The following TMEM117 variants were observed in gnomAD, a reference collection of about 807,000 sequenced individuals.
The protein encoded by TMEM117 is transmembrane protein 117.
A neutral mutation model predicts 52.4 loss-of-function variants in TMEM117; 27 were observed. The observed-to-expected ratio is 0.51, with a 90% CI of 0.38 to 0.71. The LOEUF is 0.71. Ranked by LOEUF, TMEM117 falls within the 30% of genes least tolerant of loss-of-function variation. The pLI is 0.00. For synonymous variants in TMEM117, 215 were observed against 206.3 expected (o/e 1.04, Z -0.36); for missense variants, 556 against 630.5 (o/e 0.88, Z 1.26).
chr12:44,300,100 AAGC>A (rs1377737036), intron 6 of TMEM117, among the ~76,000 whole-genome samples: 1 of 152,202 alleles, frequency 6.6e-6, no homozygotes, highest in Non-Finnish European at 1.5e-5. Flanking sequence ...GATTATATAA[AAGC>A]AGCAAAGCAG....
chr12:44,294,097 T>C (rs1178955380), intron 5 of TMEM117, among the ~76,000 whole-genome samples: 1 of 152,196 alleles, frequency 6.6e-6, no homozygotes, highest in Non-Finnish European at 1.5e-5. Context: ...TAACTCTTCG[T>C]TTCCTGAACA....
chr12:44,392,693 G>GC (rs1482470092), downstream of TMEM117, among the ~76,000 whole-genome samples: 2 of 137,898 alleles, frequency 1.5e-5, no homozygotes, highest in Admixed American at 7.6e-5. Flanking sequence ...CCCACGACAG[G>GC]CCCCGGGGTG....
chr12:44,304,735 G>A (rs972385948), intron 6 of TMEM117, among the ~76,000 whole-genome samples: 10 of 152,190 alleles, frequency 6.6e-5, no homozygotes, highest in African/African-American at 2.4e-4. Flanking sequence ...CTGACTTGAA[G>A]GGAAGGACTC....
chr12:43,924,668 AT>A (rs1225373489), intron 2 of TMEM117, among the ~76,000 whole-genome samples: 1 of 152,214 alleles, frequency 6.6e-6, no homozygotes, highest in Non-Finnish European at 1.5e-5. Flanking sequence ...CCTCATAAAA[AT>A]TGCATTATCA....
intron 4 of TMEM117, among the ~76,000 whole-genome samples, chr12:44,156,383 T>C (rs1948826103): frequency 6.6e-6 from 1 of 152,140 alleles, no homozygotes; most frequent in African/African-American, 2.4e-5. Context: ...ACAGAGCTTA[T>C]TGTTTAGTTG....
intron 6 of TMEM117, among the ~76,000 whole-genome samples, chr12:44,304,467 C>T (rs554146829): frequency 1.1e-4 from 16 of 152,180 alleles, no homozygotes; most frequent in African/African-American, 3.1e-4. Context: ...TTGTGTCATG[C>T]GACCTAGTGA....
intron 6 of TMEM117, among the ~76,000 whole-genome samples, chr12:44,354,253 C>T (rs1341946560): frequency 2.6e-5 from 4 of 152,128 alleles, no homozygotes; most frequent in Non-Finnish European, 5.9e-5. Flanking sequence ...GACAATTTGA[C>T]TTCCTCTTTT....
chr12:43,890,635 G>T (rs1019026177), intron 2 of TMEM117, among the ~76,000 whole-genome samples: 22 of 152,138 alleles, frequency 1.4e-4, no homozygotes, highest in African/African-American at 5.1e-4. Context: ...GGGTTCAAGG[G>T]ATTCTCCTGT....
In TMEM117 at chr12:44,172,042, G is replaced by A. The variant is rs186877269; in HGVS notation, c.510+28418G>A. On this transcript the variant is annotated intron_variant, in intron 4 of 7. Coordinates refer to ENST00000266534, the MANE Select transcript of TMEM117 (RefSeq NM_032256.3). ...GAGGCAGCAGTGCTTGGGAGATGAAGTTTGGTTGTAAGCAGTGGCCACATC... is the reference window on the plus strand; with the variant it reads ...GAGGCAGCAGTGCTTGGGAGATGAAATTTGGTTGTAAGCAGTGGCCACATC... 1.1e-3 allele frequency among the ~76,000 whole-genome samples: 166 copies of A among 152,350 alleles called. No individual in the cohort carries two copies. In the Middle Eastern group the frequency reaches 0.014, roughly 12 times the overall value.
At chr12:44,035,163 A>G (rs1484644755) in intron 3 of TMEM117, among the ~76,000 whole-genome samples, 1 of 152,160 alleles carries the variant, frequency 6.6e-6, no homozygotes, top group Admixed American at 6.5e-5. Context: ...CAATTCCACT[A>G]TAATAAATCT....
chr12:44,346,820 A>G (rs1198478523), intron 6 of TMEM117, among the ~76,000 whole-genome samples: 1 of 152,082 alleles, frequency 6.6e-6, no homozygotes, highest in Non-Finnish European at 1.5e-5. Context: ...AGGCCAAAAT[A>G]TCAGTAAAAT....
intron 6 of TMEM117, among the ~76,000 whole-genome samples, chr12:44,304,481 A>T (rs1203432465): frequency 6.6e-6 from 1 of 152,158 alleles, no homozygotes; most frequent in African/African-American, 2.4e-5. Flanking sequence ...CTAGTGAGAC[A>T]CCAGCCAGGG....
At chr12:44,146,576 C>T (rs758458891) in intron 4 of TMEM117, among the ~76,000 whole-genome samples, 1 of 152,190 alleles carries the variant, frequency 6.6e-6, no homozygotes, top group Non-Finnish European at 1.5e-5. Context: ...AATATAGTCA[C>T]ACAGGGAGGA....
intron 5 of TMEM117, among the ~76,000 whole-genome samples, chr12:44,238,777 A>T (rs905787408): frequency 1.3e-5 from 2 of 152,222 alleles, no homozygotes; most frequent in African/African-American, 4.8e-5. Flanking sequence ...AACCAGTTCA[A>T]TGCTGGATTC....
At chr12:44,146,602 A>G (rs1259147704) in intron 4 of TMEM117, among the ~76,000 whole-genome samples, 1 of 152,146 alleles carries the variant, frequency 6.6e-6, no homozygotes, top group Non-Finnish European at 1.5e-5. Context: ...AGAGCACATC[A>G]TTTCTATTCC....
intron 2 of TMEM117, among the ~76,000 whole-genome samples, chr12:43,856,770 A>AT (rs1265975540): frequency 5.9e-5 from 9 of 151,818 alleles, no homozygotes; most frequent in Admixed American, 2.6e-4. Context: ...AGACATTTCT[A>AT]TTTTTTTCAG....
At chr12:44,272,433 G>C (rs1950457944) in intron 5 of TMEM117, among the ~76,000 whole-genome samples, 1 of 152,220 alleles carries the variant, frequency 6.6e-6, no homozygotes, top group Non-Finnish European at 1.5e-5. Context: ...AGAGTGAACA[G>C]CCCACCTACA....
intron 2 of TMEM117, among the ~76,000 whole-genome samples, chr12:43,921,057 T>C (rs1944685449): frequency 6.6e-6 from 1 of 152,162 alleles, no homozygotes; most frequent in Non-Finnish European, 1.5e-5. Context: ...CTGTGTTTCC[T>C]AATGTGGCCC....
intron 6 of TMEM117, among the ~76,000 whole-genome samples, chr12:44,371,037 G>A (rs2138835903): frequency 6.6e-6 from 1 of 152,214 alleles, no homozygotes; most frequent in South Asian, 2.1e-4. Flanking sequence ...GGACAACTTT[G>A]CCAATTAGAA....
Sources: allele counts gnomAD v4.1 joint callset (sites outside exome capture counted in the v4.1 genomes callset), GRCh38; gene constraint gnomAD v4.1.1; transcripts MANE v1.5; gene names NCBI Gene and HGNC (gene_info 2026-07-23, HGNC 2026-07-21).